SMPD3: variants seen among roughly 807,000 people sequenced by gnomAD.
The protein encoded by SMPD3 is sphingomyelin phosphodiesterase 3.
Under a neutral mutation model 55.7 loss-of-function variants are expected in SMPD3, and 21 were observed. The ratio of observed to expected loss-of-function variants is 0.38; its 90% CI spans 0.27 to 0.54. SMPD3 has a LOEUF of 0.54. SMPD3 is among the 20% of genes least tolerant of loss of function. SMPD3 has a pLI of 0.80. For missense variants in SMPD3, 842 were observed against 899.6 expected (o/e 0.94, Z 0.82); for synonymous variants, 457 against 404.3 (o/e 1.13, Z -1.56).
chr16:68,382,584 C>A (rs964364985), intron 2 of SMPD3, among the ~76,000 whole-genome samples: 1 of 152,114 alleles, frequency 6.6e-6, no homozygotes, highest in Non-Finnish European at 1.5e-5. Context: ...TTGGGTGGAG[C>A]AAGCCGTGAG....
intron 1 of SMPD3, among the ~76,000 whole-genome samples, chr16:68,446,337 C>G (rs1232721718): frequency 4.0e-4 from 61 of 152,274 alleles, no homozygotes; most frequent in Non-Finnish European, 8.8e-5. Context: ...GCAGGCTAGG[C>G]ACAAAGCAAC....
chr16:68,433,105 T>C (rs1300377209), intron 1 of SMPD3, among the ~76,000 whole-genome samples: 2 of 152,166 alleles, frequency 1.3e-5, no homozygotes, highest in African/African-American at 4.8e-5. Flanking sequence ...TGCCCGGCTG[T>C]TGTTTTTCTG....
rs2089159321 is a variant in SMPD3, at chr16:68,360,125, C to CCCA, written c.*1078_*1080dup. ...GGGCCTGGGAGGCCAGAGCCGCAGC[C>CCCA]CCACCCGGGGGGCAGGCAGGGGTTC... On this transcript the variant is annotated 3_prime_UTR_variant, in exon 9 of 9. Coordinates refer to ENST00000219334, the MANE Select transcript of SMPD3 (RefSeq NM_018667.4). The CCCA allele has an allele frequency of 6.6e-6, 1 of 152,598 alleles. No homozygotes were observed. Among genetic ancestry groups the CCCA allele is most frequent in the Non-Finnish European group, 1.5e-5 (1 of 68,140 alleles). 9.5% of individuals were successfully genotyped at this position (152,598 alleles called of 1,614,324 possible).
At chr16:68,374,830 G>A (rs1250172763) in intron 2 of SMPD3, among the ~76,000 whole-genome samples, 1 of 152,194 alleles carries the variant, frequency 6.6e-6, no homozygotes. Context: ...ACAGGCACCT[G>A]TCTCTGGTGG....
chr16:68,443,751 C>T (rs937334799), intron 1 of SMPD3, among the ~76,000 whole-genome samples: 3 of 152,302 alleles, frequency 2.0e-5, no homozygotes, highest in African/African-American at 4.8e-5. Flanking sequence ...CTAGTGGGTC[C>T]GCAATCCTAT....
chr16:68,439,740 T>C (rs558877482), intron 1 of SMPD3, among the ~76,000 whole-genome samples: 2 of 152,278 alleles, frequency 1.3e-5, no homozygotes, highest in East Asian at 1.9e-4. Context: ...AGGCAAACTT[T>C]TGGAAAAAAA....
At chr16:68,410,628 T>G (rs566036810) in intron 1 of SMPD3, among the ~76,000 whole-genome samples, 13 of 152,336 alleles carry the variant, frequency 8.5e-5, no homozygotes, top group Admixed American at 8.5e-4. Context: ...TGACTATAAA[T>G]CCTCGCTTTC....
chr16:68,443,104 G>C (rs1185510982), intron 1 of SMPD3, among the ~76,000 whole-genome samples: 1 of 152,150 alleles, frequency 6.6e-6, no homozygotes, highest in Non-Finnish European at 1.5e-5. Context: ...AATCGAATGG[G>C]GAGTTCTCAG....
At chr16:68,406,534 C>A (rs1669476914) in intron 1 of SMPD3, among the ~76,000 whole-genome samples, 1 of 152,134 alleles carries the variant, frequency 6.6e-6, no homozygotes, top group South Asian at 2.1e-4. Context: ...AGCCTGTCGC[C>A]CTCGGTAGCG....
intron 1 of SMPD3, among the ~76,000 whole-genome samples, chr16:68,429,142 G>T (rs1002066481): frequency 2.0e-5 from 3 of 152,354 alleles, no homozygotes; most frequent in Admixed American, 1.3e-4. Context: ...GAGATGGGGT[G>T]CATGGAAGCC....
In SMPD3 at chr16:68,401,924, C is replaced by T. The variant is rs74024643; in HGVS notation, c.-268-15265G>A. On this transcript the variant is annotated intron_variant, in intron 1 of 8. Coordinates refer to ENST00000219334, the MANE Select transcript of SMPD3 (RefSeq NM_018667.4). ...CCCGACTGCCAGCCCAGATGACCAA[C>T]AGCGACCCCAGGCCCACACCAGACA... 1.9e-3 allele frequency among the ~76,000 whole-genome samples: 282 copies of T among 152,224 alleles called. 1 individual carries two copies. Among genetic ancestry groups the T allele is most frequent in the African/African-American group, 6.5e-3 (271 of 41,522 alleles).
In SMPD3 at chr16:68,380,044, C is replaced by T. The variant is rs568082569; in HGVS notation, c.-207+6554G>A. ...CATGGGCCCCATCCTAGGGGGACAG[C>T]TGAGTTTGAAGACCTGACTGCCCAC... On this transcript the variant is annotated intron_variant, in intron 2 of 8. Coordinates refer to ENST00000219334, the MANE Select transcript of SMPD3 (RefSeq NM_018667.4). Among the ~76,000 whole-genome samples the T allele has an allele frequency of 1.1e-3, 174 of 152,362 alleles. 1 individual carries two copies. The highest frequency in any genetic ancestry group is 0.01 in the Middle Eastern group (3 of 294).
In SMPD3 at chr16:68,359,349, G is replaced by C. The variant is rs1377620972; in HGVS notation, c.*1857C>G. On this transcript the variant is annotated 3_prime_UTR_variant, in exon 9 of 9. Transcript: ENST00000219334. ...GGTGGGCCGGGCAGAGAGCCCAGCAGGATGCTCGCCCTCAGCAGCCCCTTC... is the reference window on the plus strand; with the variant it reads ...GGTGGGCCGGGCAGAGAGCCCAGCACGATGCTCGCCCTCAGCAGCCCCTTC... The C allele has an allele frequency of 1.3e-5, 2 of 152,436 alleles. No homozygotes were observed. The highest frequency in any genetic ancestry group is 4.8e-5 in the African/African-American group (2 of 41,454). The allele number at this position is 152,436 out of a possible 1,614,324, so 9.4% of individuals were successfully genotyped here.
In SMPD3 at chr16:68,371,842, C is replaced by T. The variant is rs967046733; in HGVS notation, c.340G>A (p.Glu114Lys). 2.5e-6 allele frequency: 4 copies of T among 1,605,844 alleles called. No individual in the cohort carries two copies. Among genetic ancestry groups the T allele is most frequent in the African/African-American group, 2.7e-5 (2 of 74,896 alleles). Residue 114 changes from glutamate to lysine, a missense_variant, in exon 3 of 9, where the codon GAA becomes AAA. Physicochemically the swap from Glu to Lys is moderately conservative, Grantham distance 56 (BLOSUM62 1). Transcript: ENST00000219334. ...GLAGGAALLS[E>K]WKGTGPGKSF... is the part of the protein sequence containing the mutation. ...TTGCCAGGCCCCGTGCCCTTCCATT[C>T]ACTGAGCAGGGCTGCCCCACCGGCC... is the stretch of plus-strand genomic sequence containing the variant.
intron 7 of SMPD3, 76 bp from the exon 8 acceptor site, chr16:68,361,835 A>AT: frequency 2.5e-6 from 2 of 792,970 alleles, no homozygotes; most frequent in Non-Finnish European, 3.9e-6. Context: ...GTGTGGAGCC[A>AT]TGGTCTCCTC....
chr16:68,361,350 C>T (rs2089252724), intron 8 of SMPD3, 43 bp from the exon 9 acceptor site: 3 of 1,573,300 alleles, frequency 1.9e-6, no homozygotes, highest in African/African-American at 2.7e-5. Flanking sequence ...GGTCAGATTC[C>T]AAGGGCATCT....
At chr16:68,419,489 C>T (rs201967082) in intron 1 of SMPD3, among the ~76,000 whole-genome samples, 19 of 152,332 alleles carry the variant, frequency 1.2e-4, no homozygotes, top group East Asian at 9.7e-4. Flanking sequence ...TCCCCCTCAA[C>T]GCCTAGCCAG....
chr16:68,440,583 G>C (rs1193553350), intron 1 of SMPD3, among the ~76,000 whole-genome samples: 2 of 152,194 alleles, frequency 1.3e-5, no homozygotes, highest in Non-Finnish European at 2.9e-5. Flanking sequence ...GCTGTCATTT[G>C]TTGAGTGCCT....
chr16:68,418,065 T>C (rs975800819), intron 1 of SMPD3, among the ~76,000 whole-genome samples: 3 of 152,238 alleles, frequency 2.0e-5, no homozygotes, highest in African/African-American at 7.2e-5. Flanking sequence ...AATCCTGTGC[T>C]CTCAAGAAAG....
Sources: gnomAD v4.1 joint callset for allele counts (sites outside exome capture counted in the v4.1 genomes callset) on GRCh38, gnomAD v4.1.1 for gene constraint, MANE v1.5 for transcripts, NCBI Gene and HGNC (gene_info 2026-07-23, HGNC 2026-07-21) for gene names.